The following SMARCE1 variants were observed in gnomAD, a reference collection of about 807,000 sequenced individuals.
The protein encoded by SMARCE1 is SWI/SNF related BAF chromatin remodeling complex subunit E1, also known as SWI/SNF-related matrix-associated actin-dependent regulator of chromatin subfamily E member 1.
A neutral mutation model predicts 54.9 loss-of-function variants in SMARCE1; 13 were observed. The ratio of observed to expected loss-of-function variants is 0.24; its 90% CI spans 0.15 to 0.38. The LOEUF is 0.38. SMARCE1 is among the 10% of genes least tolerant of loss of function. The probability of loss-of-function intolerance (pLI) is 1.00; values close to 1 mark genes in which losing one functional copy is unlikely to be tolerated. For synonymous variants in SMARCE1, 151 were observed against 175.3 expected, an observed-to-expected ratio of 0.86 and a Z score of 1.10; for missense variants, 295 against 523.8, an observed-to-expected ratio of 0.56 and a Z score of 4.26.
At chr17:40,635,773 A>G in intron 7 of SMARCE1, 158 bp downstream of exon 7, 1 of 467,620 alleles carries the variant, frequency 2.1e-6, no homozygotes, top group Non-Finnish European at 3.6e-6. Flanking sequence ...GGAAATTCAC[A>G]TACAAATCTT....
At chr17:40,636,276 G>A (rs2037145163) in intron 6 of SMARCE1, 119 bp downstream of exon 6, 1 of 1,218,764 alleles carries the variant, frequency 8.2e-7, no homozygotes. Context: ...GACTCAGGTA[G>A]ACAGAGCCTC....
chr17:40,628,959 T>G lies in SMARCE1; in HGVS notation c.1062A>C (p.Gln354His). The G allele has an allele frequency of 6.2e-7, 1 of 1,613,868 alleles. No individual in the cohort carries two copies. The highest frequency in any genetic ancestry group is 8.5e-7 in the Non-Finnish European group (1 of 1,179,836). The change falls in exon 11 of 11, where the codon CAA becomes CAC. Residue 354 changes from glutamine (Q) to histidine (H), a missense_variant. By Grantham distance (24) the Gln-to-His change is conservative. Coordinates refer to ENST00000348513, the MANE Select transcript of SMARCE1 (RefSeq NM_003079.5). ...TAGACGTGCCTTCTTCACCATTCTG[T>G]TGGCTCTCTGTTGTTTCTTCAAGGT... is the stretch of plus-strand genomic sequence containing the variant. Reference protein sequence around the residue: ...ETHLEETTESQQNGEEGTSTP... With the variant: ...ETHLEETTESHQNGEEGTSTP...
rs2037033973 is a variant in SMARCE1, at chr17:40,626,302, C to G, written c.*2483G>C. 6.6e-6 allele frequency: 1 copy of G among 152,138 alleles called. No individual in the cohort carries two copies. The highest frequency in any genetic ancestry group is 2.4e-5 in the African/African-American group (1 of 41,424). 9.4% of individuals were successfully genotyped at this position (152,138 alleles called of 1,614,324 possible). The stretch of plus-strand genomic sequence containing the variant: ...AAAAAATTAACAAAATTTAGGCCCT[C>G]AGACTTTATGCATTCATACTCAAAA... On this transcript the variant is annotated 3_prime_UTR_variant, in exon 11 of 11. Transcript: ENST00000348513.
chr17:40,642,437 A>C lies in SMARCE1; in HGVS notation c.156+18T>G. The C allele has an allele frequency of 7.1e-7, 1 of 1,414,200 alleles. No individual in the cohort carries two copies. Among genetic ancestry groups the C allele is most frequent in the Non-Finnish European group, 1.0e-6 (1 of 997,704 alleles). The allele number at this position is 1,414,200 out of a possible 1,614,324, so 87.6% of individuals were successfully genotyped here. Reference sequence around the variant, plus strand: ...ATTCCAGTTGTTTGCCGGATGCTGTAATAGTTGATTCTCCTACCGTGACCC... The same window carrying C: ...ATTCCAGTTGTTTGCCGGATGCTGTCATAGTTGATTCTCCTACCGTGACCC... On this transcript the variant is annotated intron_variant, in intron 4 of 10. Coordinates refer to ENST00000348513, the MANE Select transcript of SMARCE1 (RefSeq NM_003079.5). This position sits in a 1 kb window ranked among gnomAD's most constrained non-coding sequence, Gnocchi z 4.6.
chr17:40,634,031 G>T (rs2037121819), intron 7 of SMARCE1: 2 of 152,268 alleles, frequency 1.3e-5, no homozygotes, highest in African/African-American at 2.4e-5. Flanking sequence ...TGGCTTCTCT[G>T]GTTATGATCT....
chr17:40,631,433 A>G, intron 9 of SMARCE1, 159 bp downstream of exon 9: 1 of 560,694 alleles, frequency 1.8e-6, no homozygotes, highest in Non-Finnish European at 3.2e-6. Flanking sequence ...GAGAATGGGA[A>G]CAATCTTATA....
intron 7 of SMARCE1, chr17:40,634,990 G>A (rs2037131710): frequency 6.6e-6 from 1 of 151,966 alleles, no homozygotes; most frequent in Non-Finnish European, 1.5e-5. Flanking sequence ...GTATTTATGA[G>A]AACATTTGAC....
intron 10 of SMARCE1, chr17:40,629,762 GTTATT>G (rs1413971044): frequency 2.6e-6 from 1 of 391,998 alleles, no homozygotes; most frequent in African/African-American, 2.1e-5. Context: ...GCAAAAATCA[GTTATT>G]TTAATTTTCA....
intron 3 of SMARCE1, chr17:40,645,301 A>C: frequency 4.9e-6 from 2 of 412,140 alleles, no homozygotes; most frequent in Non-Finnish European, 8.5e-6. Context: ...AGAAATGGTA[A>C]AACTTTCACT....
chr17:40,632,577 A>C, intron 7 of SMARCE1: 2 of 521,740 alleles, frequency 3.8e-6, no homozygotes, highest in East Asian at 3.2e-5. Context: ...AATTTATCTC[A>C]CAGTCTTTAA....
chr17:40,645,422 T>G, intron 3 of SMARCE1, 154 bp downstream of exon 3: 1 of 494,350 alleles, frequency 2.0e-6, no homozygotes. Flanking sequence ...TGCAAATAAT[T>G]ATTTTATTTA....
At chr17:40,644,695 T>G (rs1013859984) in intron 3 of SMARCE1, 2 of 152,140 alleles carry the variant, frequency 1.3e-5, no homozygotes, top group African/African-American at 2.4e-5. Context: ...ATATGAGTAG[T>G]TTTTTAGCGG....
Position 40,628,892 on chromosome 17 carries a change from T to C in SMARCE1, c.1129A>G (p.Met377Val), listed in dbSNP as rs781353760. The change falls in exon 11 of 11, where the codon ATG becomes GTG. Residue 377 changes from methionine (M) to valine (V), a missense_variant. Physicochemically the swap from Met to Val is conservative, Grantham distance 21. Around this residue, in one of 5 missense-constraint regions of SMARCE1, gnomAD observed 147 missense variants for 161.4 expected, o/e 0.91. Coordinates refer to ENST00000348513, the MANE Select transcript of SMARCE1 (RefSeq NM_003079.5). The part of the protein sequence containing the change: ...KESGQEGVDS[M>V]AEEGTSDSNT... ...CTATCACTGGTTCCTTCCTCTGCCA[T>C]ACTGTCGACCCCCTCCTGCCCACTC... The C allele has an allele frequency of 9.9e-6, 16 of 1,613,764 alleles. No individual in the cohort carries two copies. The highest frequency in any genetic ancestry group is 2.7e-5 in the African/African-American group (2 of 74,924).
rs1461971946 is a variant in SMARCE1 at position 40,626,686 on chromosome 17, A to G, written c.*2099T>C. The stretch of plus-strand genomic sequence containing the variant: ...CACGAGTTCAAGATCAGCCTGGCTA[A>G]CATGGTGAAACCCCATCTCTACTAA... On this transcript the variant is annotated 3_prime_UTR_variant, in exon 11 of 11. Coordinates refer to ENST00000348513, the MANE Select transcript of SMARCE1 (RefSeq NM_003079.5). The G allele has an allele frequency of 6.6e-6, 1 of 152,214 alleles. No homozygotes were observed. Among genetic ancestry groups the G allele is most frequent in the Non-Finnish European group, 1.5e-5 (1 of 68,118 alleles). 9.4% of individuals were successfully genotyped at this position (152,214 alleles called of 1,614,324 possible).
Position 40,628,922 on chromosome 17 carries a change from T to G in SMARCE1, c.1099A>C (p.Lys367Gln), listed in dbSNP as rs768116351. Residue 367 changes from lysine (K) to glutamine (Q), a missense_variant, in exon 11 of 11, where the codon AAG becomes CAG. Physicochemically the swap from Lys to Gln is moderately conservative, Grantham distance 53. Transcript: ENST00000348513. ...TCGACCCCCTCCTGCCCACTCTCCT[T>G]GTCCTCAGGAGTAGACGTGCCTTCT... ...GEEGTSTPED[K>Q]ESGQEGVDSM... 1 of 1,613,754 alleles carries G rather than the reference T, an allele frequency of 6.2e-7. No individual in the cohort carries two copies. The highest frequency in any genetic ancestry group is 1.1e-5 in the South Asian group (1 of 91,078).
At chr17:40,634,855 T>A (rs1259144888) in intron 7 of SMARCE1, 1 of 152,228 alleles carries the variant, frequency 6.6e-6, no homozygotes, top group Non-Finnish European at 1.5e-5. Flanking sequence ...CTTGCATTAA[T>A]CACCCCATTT....
chr17:40,632,124 T>G, intron 8 of SMARCE1, 71 bp downstream of exon 8: 1 of 1,186,796 alleles, frequency 8.4e-7, no homozygotes, highest in Non-Finnish European at 1.2e-6. Flanking sequence ...TTAGGCATGG[T>G]GTAGGAATCA....
At chr17:40,646,813 G>A (rs763681884) in intron 1 of SMARCE1, among the ~76,000 whole-genome samples, 16 of 152,236 alleles carry the variant, frequency 1.1e-4, no homozygotes, top group East Asian at 1.9e-4. Flanking sequence ...CTGATTTTTC[G>A]CTTCTATTAT....
At chr17:40,645,488 T>G in intron 3 of SMARCE1, 88 bp downstream of exon 3, 2 of 706,596 alleles carry the variant, frequency 2.8e-6, no homozygotes, top group Non-Finnish European at 4.7e-6. Flanking sequence ...GTTGCTGTGA[T>G]GATTGAGTGA....
Sources: allele counts gnomAD v4.1 joint callset (sites outside exome capture counted in the v4.1 genomes callset), GRCh38; gene constraint gnomAD v4.1.1; regional missense constraint gnomAD v4.1.1; non-coding constraint Gnocchi (gnomAD v3.1); transcripts MANE v1.5; gene names NCBI Gene and HGNC (gene_info 2026-07-23, HGNC 2026-07-21).